Variants in CHL1 observed in about 807,000 individuals in gnomAD.
CHL1 encodes neural cell adhesion molecule L1-like protein.
CHL1 carries 96 observed loss-of-function variants against 141.9 expected under a neutral mutation model. That is an observed-to-expected ratio of 0.68 (90% CI 0.57 to 0.80). CHL1 has a LOEUF of 0.80. Among genes scored for constraint, CHL1 ranks in the 30% least tolerant of loss-of-function variants. The pLI, the probability that CHL1 is intolerant of heterozygous loss-of-function variation, is 0.00. For synonymous variants in CHL1, 613 were observed against 502.2 expected (o/e 1.22, Z -2.95); for missense variants, 1,820 against 1,457.2 (o/e 1.25, Z -4.05).
At chr3:374,257 A>G (rs1706015351) in intron 15 of CHL1, among the ~76,000 whole-genome samples, 1 of 152,088 alleles carries the variant, frequency 6.6e-6, no homozygotes, top group South Asian at 2.1e-4. Flanking sequence ...CAGTGTATGT[A>G]TTACAACCAG....
At chr3:280,606 CTGTTTAAAGGGAGA>C (rs1248427969) in intron 2 of CHL1, among the ~76,000 whole-genome samples, 5 of 152,248 alleles carry the variant, frequency 3.3e-5, no homozygotes, top group South Asian at 2.1e-4. Flanking sequence ...CAACCTGGAA[CTGTTTAAAGGGAGA>C]TGTTCAACGA....
intron 2 of CHL1, among the ~76,000 whole-genome samples, chr3:246,101 T>G (rs571076911): frequency 3.3e-4 from 50 of 152,286 alleles, no homozygotes; most frequent in Non-Finnish European, 6.2e-4. Context: ...ATTAAAACAC[T>G]TTTATGATTT....
chr3:385,731 G>A (rs1051910892), intron 19 of CHL1: 2 of 150,406 alleles, frequency 1.3e-5, no homozygotes, highest in Non-Finnish European at 2.9e-5. Context: ...GGGAGGCTGA[G>A]GCAGAAAAAT....
At position 367,238 on chromosome 3, in the gene CHL1, C is replaced by T. The variant is rs74726870; in HGVS notation, c.1751+1123C>T. Among the ~76,000 whole-genome samples, 799 of 152,306 alleles carry T rather than the reference C, an allele frequency of 5.2e-3. 8 individuals carry two copies. The highest frequency in any genetic ancestry group is 0.018 in the African/African-American group (756 of 41,568). On this transcript the variant is annotated intron_variant, in intron 15 of 27. Coordinates refer to ENST00000256509, the MANE Select transcript of CHL1 (RefSeq NM_006614.4). ...TAAGTAAGGGTTAAAACTTAACCATCTTGGAGCCAAATCTCCCCTCTCATT... is the reference window on the plus strand; with the variant it reads ...TAAGTAAGGGTTAAAACTTAACCATTTTGGAGCCAAATCTCCCCTCTCATT...
At chr3:281,952 A>G (rs1457141847) in intron 2 of CHL1, among the ~76,000 whole-genome samples, 1 of 152,228 alleles carries the variant, frequency 6.6e-6, no homozygotes. Flanking sequence ...ATATCATTTC[A>G]AAAACTATTC....
At position 366,011 on chromosome 3, in the gene CHL1, A is replaced by G. The variant is rs1465074478; in HGVS notation, c.1647A>G (p.Glu549=). 1 of 1,613,690 alleles carries G rather than the reference A, an allele frequency of 6.2e-7. No individual in the cohort carries two copies. Among genetic ancestry groups the G allele is most frequent in the South Asian group, 1.1e-5 (1 of 91,070 alleles). The change falls in exon 15 of 28, where the codon GAA becomes GAG. Residue 549 remains glutamate, a synonymous_variant. Coordinates refer to ENST00000256509, the MANE Select transcript of CHL1 (RefSeq NM_006614.4). ...NPRIPKLHML[E]LHCESKCDSH... is the part of the protein sequence containing the mutation. ...GTATCCCCAAATTGCATATGCTTGA[A>G]TTACATTGTGAAAGCAAATGTGACT... is the stretch of plus-strand genomic sequence containing the variant.
intron 1 of CHL1, among the ~76,000 whole-genome samples, chr3:242,711 G>GAA (rs1192251578): frequency 4.7e-4 from 70 of 148,516 alleles, no homozygotes; most frequent in Non-Finnish European, 9.2e-4. Flanking sequence ...GAGAGAGAGA[G>GAA]ATTAGATTAG....
intron 18 of CHL1, among the ~76,000 whole-genome samples, chr3:383,154 C>T (rs573229160): frequency 3.3e-5 from 5 of 152,160 alleles, no homozygotes; most frequent in African/African-American, 9.6e-5. Flanking sequence ...TTTTATTTTT[C>T]CTTGGCTAAA....
rs1575318712 is a variant in CHL1, at chr3:405,895, T to G, written c.*184T>G. On this transcript the variant is annotated 3_prime_UTR_variant, in exon 28 of 28. Transcript: ENST00000256509. ...TTCAAAATATAAAATGCCAAGCACT[T>G]CAGGCCTATGTTTTGCTTATATTGT... is the stretch of plus-strand genomic sequence containing the variant. 2 of 556,576 alleles carry G rather than the reference T, an allele frequency of 3.6e-6. No individual in the cohort carries two copies. The highest frequency in any genetic ancestry group is 3.2e-5 in the Admixed American group (1 of 31,540). 34.5% of individuals were successfully genotyped at this position (556,576 alleles called of 1,614,324 possible).
At chr3:232,155 C>T (rs997695373) in intron 1 of CHL1, among the ~76,000 whole-genome samples, 4 of 152,174 alleles carry the variant, frequency 2.6e-5, no homozygotes, top group Non-Finnish European at 5.9e-5. Flanking sequence ...TCTACCATTA[C>T]TGACCTCACT....
chr3:381,954 G>A (rs1342604636), intron 16 of CHL1, among the ~76,000 whole-genome samples: 2 of 149,280 alleles, frequency 1.3e-5, no homozygotes, highest in African/African-American at 2.5e-5. Flanking sequence ...TATTACCTCC[G>A]TTCTTATCAA....
At chr3:262,634 G>C (rs1245446769) in intron 2 of CHL1, among the ~76,000 whole-genome samples, 2 of 152,182 alleles carry the variant, frequency 1.3e-5, no homozygotes, top group African/African-American at 4.8e-5. Flanking sequence ...AGAGGTATAA[G>C]ACAACAGGGA....
At position 212,055 on chromosome 3, in the gene CHL1, A is replaced by G. The variant is rs537944284; in HGVS notation, c.-175+14992A>G. On this transcript the variant is annotated intron_variant, in intron 1 of 27. Coordinates refer to ENST00000256509, the MANE Select transcript of CHL1 (RefSeq NM_006614.4). The stretch of plus-strand genomic sequence containing the variant: ...AAATTCAATCTTCTGGACAAGTTTT[A>G]TTTTTACATGACATAACCTAAAATG... 5.9e-5 allele frequency among the ~76,000 whole-genome samples: 9 copies of G among 152,208 alleles called. No homozygotes were observed. The South Asian group carries it at 1.7e-3, about 28-fold the overall frequency.
intron 19 of CHL1, among the ~76,000 whole-genome samples, chr3:387,703 A>T: frequency 6.6e-6 from 1 of 152,202 alleles, no homozygotes; most frequent in Admixed American, 6.5e-5. Context: ...CCATGGCCTA[A>T]TTCACTGGGA....
At position 288,659 on chromosome 3, in the gene CHL1, A is replaced by T. The variant is rs562988601; in HGVS notation, c.-94-31024A>T. ...TGCCAACCCCCTACCTCTACTGGTC[A>T]AGGATCTCAGCATTTTTCTGACGAA... On this transcript the variant is annotated intron_variant, in intron 2 of 27. Transcript: ENST00000256509. Among the ~76,000 whole-genome samples the T allele has an allele frequency of 2.0e-5, 3 of 152,270 alleles. No individual in the cohort carries two copies. In the East Asian group the frequency reaches 5.8e-4, roughly 29 times the overall value.
At chr3:374,929 T>G (rs966265700) in intron 15 of CHL1, among the ~76,000 whole-genome samples, 2 of 152,182 alleles carry the variant, frequency 1.3e-5, no homozygotes, top group African/African-American at 4.8e-5. Context: ...ATATACATGG[T>G]GAACAATGAG....
At position 354,661 on chromosome 3, in the gene CHL1, A is replaced by C; in HGVS notation, c.1055A>C (p.Lys352Thr). ...CCAGAGCCTCCTCGCTGGACAAAGA[A>C]GCCTCAGAGTGCTGTGTATAGCACC... Reference protein sequence around the residue: ...IVEEPPRWTKKPQSAVYSTGS... With the variant: ...IVEEPPRWTKTPQSAVYSTGS... Residue 352 changes from lysine (K) to threonine (T), a missense_variant, in exon 11 of 28, where the codon AAG (lysine) becomes ACG (threonine). Transcript: ENST00000256509. 1.2e-6 allele frequency: 2 copies of C among 1,613,182 alleles called. No individual in the cohort carries two copies. The highest frequency in any genetic ancestry group is 1.7e-6 in the Non-Finnish European group (2 of 1,179,546).
chr3:254,377 A>G (rs550475795), intron 2 of CHL1, among the ~76,000 whole-genome samples: 8 of 152,194 alleles, frequency 5.3e-5, no homozygotes, highest in Non-Finnish European at 8.8e-5. Flanking sequence ...AGCTAGTGAC[A>G]TGGCCTCTCT....
In CHL1 at chr3:319,705, A is replaced by C; in HGVS notation, c.-72A>C. The C allele has an allele frequency of 2.2e-6, 2 of 922,674 alleles. No individual in the cohort carries two copies. Among genetic ancestry groups the C allele is most frequent in the Non-Finnish European group, 3.5e-6 (2 of 577,100 alleles). The allele number at this position is 922,674 out of a possible 1,614,324, so 57.2% of individuals were successfully genotyped here. A position where few individuals can be genotyped will look rare whatever the true frequency, so the allele number is the denominator to read the frequency against. ...TAGTTTCCAGGTTAACTAAGGTCTC[A>C]GCTGTAAACCAAAAGTGAGAGGAGA... On this transcript the variant is annotated 5_prime_UTR_variant, in exon 3 of 28. Transcript: ENST00000256509.
Sources: gnomAD v4.1 joint callset for allele counts (sites outside exome capture counted in the v4.1 genomes callset) on GRCh38, gnomAD v4.1.1 for gene constraint, MANE v1.5 for transcripts, NCBI Gene and HGNC (gene_info 2026-07-23, HGNC 2026-07-21) for gene names.